Variants in VCF2 observed in about 807,000 individuals in gnomAD.
VCF2 encodes the protein VCP nuclear cofactor family member 2, also known as protein VCF2.
chrX:55,157,650 T>C, the VCF2 span, among the ~76,000 whole-genome samples: 1 of 112,173 alleles, frequency 8.9e-6, no homozygotes, highest in Non-Finnish European at 1.9e-5. Context: ...TAATTTTAAA[T>C]GTATTTGGGG....
the VCF2 span, among the ~76,000 whole-genome samples, chrX:55,147,634 G>GTTCTTTT: frequency 1.8e-5 from 1 of 54,089 alleles, no homozygotes; most frequent in Non-Finnish European, 3.1e-5. Context: ...GGCTTTCCTT[G>GTTCTTTT]TTTTTTTTTT....
At chrX:55,145,351 T>C in the VCF2 span, 3 of 749,638 alleles carry the variant, frequency 4.0e-6, no homozygotes, top group Non-Finnish European at 4.7e-6. Context: ...AATTGTGCAG[T>C]GTTTCCTACT....
the VCF2 span, among the ~76,000 whole-genome samples, chrX:55,144,035 TTTATTA>T: frequency 5.4e-5 from 6 of 111,444 alleles, no homozygotes; most frequent in Non-Finnish European, 9.4e-5. Context: ...ATGTAATTGC[TTTATTA>T]TTATTATTAT....
the VCF2 span, among the ~76,000 whole-genome samples, chrX:55,157,052 A>G: frequency 4.4e-5 from 5 of 112,488 alleles, no homozygotes; most frequent in East Asian, 8.3e-4. Flanking sequence ...AGTAGAAGCT[A>G]ATTTCAGAAG....
chrX:55,143,175 A>G, the VCF2 span: 2 of 111,143 alleles, frequency 1.8e-5, no homozygotes, highest in Admixed American at 9.6e-5. Flanking sequence ...AGGGGTCCCG[A>G]GCGGGGTAGC....
At chrX:55,160,655 A>G in the VCF2 span, 2 of 475,083 alleles carry the variant, frequency 4.2e-6, no homozygotes, top group Non-Finnish European at 7.0e-6. Context: ...GAAAGAATAC[A>G]TTGATAAAGG....
At chrX:55,143,865 G>A in the VCF2 span, 1 of 1,193,321 alleles carries the variant, frequency 8.4e-7, no homozygotes, top group Non-Finnish European at 1.1e-6. Flanking sequence ...ACATAAACAG[G>A]TTTAGACAAT....
the VCF2 span, among the ~76,000 whole-genome samples, chrX:55,148,554 G>C: frequency 1.8e-5 from 2 of 110,320 alleles, no homozygotes; most frequent in East Asian, 5.7e-4. Flanking sequence ...AATCTTGTAT[G>C]GTAAATTTCT....
chrX:55,143,346 C>G, the VCF2 span: 1 of 112,674 alleles, frequency 8.9e-6, no homozygotes, highest in Non-Finnish European at 1.9e-5. Context: ...AACCTTGCAG[C>G]GGGATGGCAA....
the VCF2 span, among the ~76,000 whole-genome samples, chrX:55,156,243 C>A: frequency 2.6e-3 from 296 of 111,867 alleles, no homozygotes; most frequent in Middle Eastern, 9.3e-3. Flanking sequence ...TGAGCCACTG[C>A]GCCTGGCCCA....
At chrX:55,160,918 A>G in the VCF2 span, 1 of 1,162,248 alleles carries the variant, frequency 8.6e-7, no homozygotes, top group Non-Finnish European at 1.1e-6. Flanking sequence ...TTTTTTTTCA[A>G]GCACGAAGGG....
the VCF2 span, chrX:55,145,672 C>T: frequency 2.6e-6 from 2 of 759,157 alleles, no homozygotes; most frequent in Non-Finnish European, 1.6e-6. Flanking sequence ...TAAATGAAAG[C>T]TACATACCTC....
chrX:55,147,660 G>A, the VCF2 span, among the ~76,000 whole-genome samples: 62 of 16,936 alleles, frequency 3.7e-3, no homozygotes, highest in African/African-American at 0.012. Context: ...TTTTTTTTTT[G>A]TTACAGTACT....
chrX:55,143,914 T>C, the VCF2 span: 1 of 987,530 alleles, frequency 1.0e-6, no homozygotes. Flanking sequence ...TTGTATTTAC[T>C]AGGACAAGAG....
chrX:55,157,330 C>T, the VCF2 span, among the ~76,000 whole-genome samples: 2,507 of 111,712 alleles, frequency 0.022, 72 homozygotes, highest in African/African-American at 0.078. Flanking sequence ...GCCAGGAGTT[C>T]GAGAACAGCC....
the VCF2 span, among the ~76,000 whole-genome samples, chrX:55,157,447 C>T: frequency 8.9e-6 from 1 of 111,787 alleles, no homozygotes; most frequent in African/African-American, 3.3e-5. Context: ...GCACCAGAAT[C>T]GCTTGAACCC....
chrX:55,155,090 C>G, the VCF2 span, among the ~76,000 whole-genome samples: 1 of 111,553 alleles, frequency 9.0e-6, no homozygotes, highest in African/African-American at 3.3e-5. Flanking sequence ...ATGGAGAGAG[C>G]AATAAGAGCA....
chrX:55,146,209 C>T, the VCF2 span: 1 of 1,211,253 alleles, frequency 8.3e-7, no homozygotes, highest in Non-Finnish European at 1.1e-6. Flanking sequence ...GGAAAGTTTG[C>T]ATCGGGTTCA....
At chrX:55,161,095 A>AGCTCGGACTGGTACCGGCCGGAAAG in the VCF2 span, 2 of 1,206,803 alleles carry the variant, frequency 1.7e-6, no homozygotes, top group Non-Finnish European at 2.2e-6. Flanking sequence ...TGGGGACCAG[A>AGCTCGGACTGGTACCGGCCGGAAAG]GCTCGGACTG....
Sources: gnomAD v4.1 joint callset for allele counts (sites outside exome capture counted in the v4.1 genomes callset) on GRCh38, gnomAD v4.1.1 for gene constraint, MANE v1.5 for transcripts, NCBI Gene and HGNC (gene_info 2026-07-23, HGNC 2026-07-21) for gene names.